Variants in ZNF131 observed in about 807,000 individuals in gnomAD.
ZNF131 encodes the protein zinc finger protein 131.
ZNF131 carries 7 observed loss-of-function variants against 60.0 expected under a neutral mutation model. That is an observed-to-expected ratio of 0.12 (90% CI 0.07 to 0.22). ZNF131 has a LOEUF of 0.22. ZNF131 is among the 10% of genes least tolerant of loss of function. The pLI is 1.00. For synonymous variants in ZNF131, 257 were observed against 253.2 expected (o/e 1.01, Z -0.14); for missense variants, 493 against 740.9 (o/e 0.67, Z 3.88).
At chr5:43,135,678 A>G (rs1251841543) in intron 3 of ZNF131, among the ~76,000 whole-genome samples, 3 of 151,984 alleles carry the variant, frequency 2.0e-5, no homozygotes, top group African/African-American at 7.2e-5. Flanking sequence ...CATGGATTGC[A>G]CCACTGCACT....
chr5:43,172,397 G>A (rs1172636670), intron 5 of ZNF131, among the ~76,000 whole-genome samples: 1 of 152,204 alleles, frequency 6.6e-6, no homozygotes, highest in South Asian at 2.1e-4. Context: ...AAGGCAGGCA[G>A]ATCACCTGAG....
chr5:43,136,966 A>G (rs866683583), intron 3 of ZNF131, among the ~76,000 whole-genome samples: 4 of 152,306 alleles, frequency 2.6e-5, no homozygotes, highest in African/African-American at 9.6e-5. Context: ...TAAGGAAGGA[A>G]TGTTTTCTGC....
At chr5:43,136,925 A>C (rs570824665) in intron 3 of ZNF131, among the ~76,000 whole-genome samples, 1 of 152,188 alleles carries the variant, frequency 6.6e-6, no homozygotes, top group Admixed American at 6.6e-5. Flanking sequence ...AATATGGTCA[A>C]CTGATCTTCA....
At chr5:43,158,399 C>T (rs369987302) in intron 4 of ZNF131, among the ~76,000 whole-genome samples, 72 of 152,212 alleles carry the variant, frequency 4.7e-4, no homozygotes, top group African/African-American at 1.7e-3. Context: ...AAGTGATTCT[C>T]CTGCCTCAGC....
intron 4 of ZNF131, among the ~76,000 whole-genome samples, chr5:43,160,678 C>CTTT (rs71608692): frequency 1.6e-4 from 15 of 93,034 alleles, no homozygotes; most frequent in East Asian, 3.9e-4. Context: ...TAGCTTGGAA[C>CTTT]TTTTTTTTTT....
Position 43,175,195 on chromosome 5 carries a change from TTGAC to T in ZNF131, c.*65_*68del, listed in dbSNP as rs200270135. ...GGTTTTTGAACTGATTATGGGCAGT[TTGAC>T]TGTCCTTAATTAAGCCTAACAGACA... On this transcript the variant is annotated 3_prime_UTR_variant, in exon 7 of 7. Transcript: ENST00000682664. The T allele has an allele frequency of 6.1e-3, 8,957 of 1,463,276 alleles. 57 individuals are homozygous for T. Among genetic ancestry groups the T allele is most frequent in the Middle Eastern group, 0.034 (138 of 4,012 alleles). The allele number at this position is 1,463,276 out of a possible 1,614,324, so 90.6% of individuals were successfully genotyped here.
chr5:43,152,209 G>T (rs1273130870), intron 4 of ZNF131, among the ~76,000 whole-genome samples: 2 of 152,064 alleles, frequency 1.3e-5, no homozygotes, highest in Admixed American at 6.5e-5. Flanking sequence ...CACCACGTTG[G>T]CCAGGCTGGT....
intron 3 of ZNF131, 174 bp downstream of exon 3, chr5:43,123,484 T>C: frequency 2.1e-6 from 1 of 472,844 alleles, no homozygotes; most frequent in Non-Finnish European, 3.6e-6. Flanking sequence ...AGATAAATTG[T>C]TCTTTTGATA....
At chr5:43,158,172 T>G (rs1414299327) in intron 4 of ZNF131, among the ~76,000 whole-genome samples, 1 of 152,256 alleles carries the variant, frequency 6.6e-6, no homozygotes, top group Non-Finnish European at 1.5e-5. Flanking sequence ...TTCTCTGTGT[T>G]GGTCAGGCTG....
chr5:43,154,955 TG>T (rs1355185572), intron 4 of ZNF131, among the ~76,000 whole-genome samples: 3 of 152,180 alleles, frequency 2.0e-5, no homozygotes, highest in African/African-American at 7.2e-5. Flanking sequence ...AAGGTTAATT[TG>T]GGGGAATGTT....
chr5:43,166,700 G>T (rs1750408073), intron 5 of ZNF131, among the ~76,000 whole-genome samples: 1 of 151,540 alleles, frequency 6.6e-6, no homozygotes, highest in Middle Eastern at 3.2e-3. Context: ...CTGTCGCCCA[G>T]ACTGGAGTGC....
chr5:43,174,377 A>G, intron 6 of ZNF131, 70 bp from the exon 7 acceptor site: 1 of 1,335,056 alleles, frequency 7.5e-7, no homozygotes, highest in Non-Finnish European at 1.0e-6. Flanking sequence ...CTTTACAGAG[A>G]ATAAATGCAT....
chr5:43,151,738 C>G (rs1020856326), intron 4 of ZNF131, among the ~76,000 whole-genome samples: 1 of 151,770 alleles, frequency 6.6e-6, no homozygotes, highest in African/African-American at 2.4e-5. Context: ...CCTTGCCAGT[C>G]ATCGTATTTT....
chr5:43,123,355 C>A, intron 3 of ZNF131, 45 bp downstream of exon 3: 1 of 1,502,330 alleles, frequency 6.7e-7, no homozygotes, highest in Non-Finnish European at 9.1e-7. Context: ...TCAAAGAAGC[C>A]ATTTTATTTA....
At position 43,162,987 on chromosome 5, in the gene ZNF131, T is replaced by TTTTTTTTTTG. The variant is rs1243576255; in HGVS notation, c.1054+1056_1054+1057insTTTTTTTTTG. ...TATTTGCCTTTTTTTTTTTTTTTTT[T>TTTTTTTTTTG]GGCAGATGGAGTCTCGCTCTGTTGC... On this transcript the variant is annotated intron_variant, in intron 5 of 6. Coordinates refer to ENST00000682664, the MANE Select transcript of ZNF131 (RefSeq NM_001330707.2). Among the ~76,000 whole-genome samples, 89 of 138,966 alleles carry TTTTTTTTTTG rather than the reference T, an allele frequency of 6.4e-4. 2 individuals carry two copies. Among genetic ancestry groups the TTTTTTTTTTG allele is most frequent in the African/African-American group, 2.3e-3 (88 of 37,870 alleles). The allele number at this position is 138,966 out of a possible 152,430, so 91.2% of individuals were successfully genotyped here.
At chr5:43,148,326 T>C (rs1352775049) in intron 4 of ZNF131, among the ~76,000 whole-genome samples, 8 of 152,002 alleles carry the variant, frequency 5.3e-5, no homozygotes, top group Non-Finnish European at 1.2e-4. Context: ...CTGCAGTGAG[T>C]AGTGATCGTG....
At chr5:43,148,978 C>T (rs1435955600) in intron 4 of ZNF131, among the ~76,000 whole-genome samples, 1 of 152,024 alleles carries the variant, frequency 6.6e-6, no homozygotes, top group Non-Finnish European at 1.5e-5. Flanking sequence ...TTTCACTTGC[C>T]ATAATTATTT....
chr5:43,149,862 T>C (rs183798837), intron 4 of ZNF131, among the ~76,000 whole-genome samples: 21 of 152,322 alleles, frequency 1.4e-4, no homozygotes, highest in Non-Finnish European at 2.6e-4. Flanking sequence ...TTTGCCTGTT[T>C]TTTAAAATGG....
intron 6 of ZNF131, 65 bp downstream of exon 6, chr5:43,173,513 A>C: frequency 6.4e-7 from 1 of 1,550,496 alleles, no homozygotes; most frequent in Non-Finnish European, 8.8e-7. Context: ...CATCAAAAGC[A>C]AAGGGAAACA....
Sources: gnomAD v4.1 joint callset for allele counts (sites outside exome capture counted in the v4.1 genomes callset) on GRCh38, gnomAD v4.1.1 for gene constraint, MANE v1.5 for transcripts, NCBI Gene and HGNC (gene_info 2026-07-23, HGNC 2026-07-21) for gene names.